CEMIP: variants seen among roughly 807,000 people sequenced by gnomAD.
CEMIP encodes cell migration inducing hyaluronidase 1, also known as cell migration-inducing and hyaluronan-binding protein.
Under a neutral mutation model 156.9 loss-of-function variants are expected in CEMIP, and 105 were observed. The observed-to-expected ratio is 0.67, with a 90% CI of 0.57 to 0.79. The LOEUF (loss-of-function observed/expected upper bound fraction) is 0.79, where lower values mean the gene tolerates loss of function less well. Ranked by LOEUF, CEMIP falls within the 30% of genes least tolerant of loss-of-function variation. The probability of loss-of-function intolerance (pLI) is 0.00; values close to 1 mark genes in which losing one functional copy is unlikely to be tolerated. For missense variants in CEMIP, 1,457 were observed against 1,769.4 expected, an observed-to-expected ratio of 0.82 and a Z score of 3.17; for synonymous variants, 676 against 668.4, an observed-to-expected ratio of 1.01 and a Z score of -0.17.
intron 15 of CEMIP, among the ~76,000 whole-genome samples, chr15:80,920,781 G>A (rs1256605899): frequency 6.6e-6 from 1 of 152,216 alleles, no homozygotes; most frequent in Admixed American, 6.5e-5. Context: ...GTCAATCTCA[G>A]ACATCACTTG....
At chr15:80,924,098 TG>T (rs764395882) in intron 17 of CEMIP, among the ~76,000 whole-genome samples, 6 of 152,190 alleles carry the variant, frequency 3.9e-5, no homozygotes, top group Non-Finnish European at 8.8e-5. Context: ...CCCTATCCCA[TG>T]GCTGACAAAG....
At chr15:80,915,539 G>A (rs1308487758) in intron 14 of CEMIP, among the ~76,000 whole-genome samples, 1 of 152,170 alleles carries the variant, frequency 6.6e-6, no homozygotes, top group Non-Finnish European at 1.5e-5. Context: ...TTGGCCCAGG[G>A]CTTTTACTGG....
chr15:80,942,880 C>G (rs1901394652), intron 27 of CEMIP, 65 bp from the exon 28 acceptor site: 1 of 1,598,462 alleles, frequency 6.3e-7, no homozygotes, highest in Non-Finnish European at 8.6e-7. Context: ...TTGGGAACCA[C>G]CTGGGCAGGA....
Position 80,858,221 on chromosome 15 carries a change from C to A in CEMIP, c.-175-15317C>A, listed in dbSNP as rs190858174. On this transcript the variant is annotated intron_variant, in intron 1 of 29. Coordinates refer to ENST00000394685, the MANE Select transcript of CEMIP (RefSeq NM_001293298.2). ...GGAGTAGGCTGGTGGGTGGTTCTTG[C>A]ATAGTCCTTCATGAAATAGTCGTCA... 4.8e-3 allele frequency among the ~76,000 whole-genome samples: 737 copies of A among 152,246 alleles called. 2 individuals are homozygous for A. Among genetic ancestry groups the A allele is most frequent in the Non-Finnish European group, 7.7e-3 (523 of 68,016 alleles).
At chr15:80,921,138 G>T in intron 16 of CEMIP, 37 bp downstream of exon 16, 1 of 1,585,478 alleles carries the variant, frequency 6.3e-7, no homozygotes, top group Non-Finnish European at 8.7e-7. Flanking sequence ...AGAAAGTGAG[G>T]GTGGGGGCTG....
At position 80,932,136 on chromosome 15, in the gene CEMIP, C is replaced by G; in HGVS notation, c.2793+97C>G. On this transcript the variant is annotated intron_variant, in intron 22 of 29. Coordinates refer to ENST00000394685, the MANE Select transcript of CEMIP (RefSeq NM_001293298.2). The surrounding 1 kb of genome is among the most constrained non-coding windows in gnomAD (Gnocchi z 4.5). Reference sequence around the variant, plus strand: ...CCAGAGTTTGAGCTATTGCCACCACCGCAGGGGTTGAGAAGCCTCCTCCAA... The same window carrying G: ...CCAGAGTTTGAGCTATTGCCACCACGGCAGGGGTTGAGAAGCCTCCTCCAA... The G allele has an allele frequency of 7.1e-7, 1 of 1,413,620 alleles. No individual in the cohort carries two copies. Among genetic ancestry groups the G allele is most frequent in the South Asian group, 1.2e-5 (1 of 86,362 alleles). The allele number at this position is 1,413,620 out of a possible 1,614,324, so 87.6% of individuals were successfully genotyped here.
intron 1 of CEMIP, among the ~76,000 whole-genome samples, chr15:80,839,644 T>C (rs1555429563): frequency 1.3e-5 from 2 of 152,132 alleles, no homozygotes; most frequent in Non-Finnish European, 2.9e-5. Context: ...TGCAAATGCT[T>C]CAGGAGAGCC....
At chr15:80,784,116 T>A (rs1895866410) in intron 1 of CEMIP, among the ~76,000 whole-genome samples, 1 of 152,136 alleles carries the variant, frequency 6.6e-6, no homozygotes, top group Non-Finnish European at 1.5e-5. Flanking sequence ...CTGGGATATC[T>A]TTGAGTCTTC....
chr15:80,920,100 G>A lies in CEMIP; in HGVS notation c.1804G>A (p.Asp602Asn), dbSNP rs1247601171. The change falls in exon 15 of 30, where the codon GAC (aspartate) becomes AAC (asparagine). Residue 602 changes from aspartate (D) to asparagine (N), a missense_variant. Coordinates refer to ENST00000394685, the MANE Select transcript of CEMIP (RefSeq NM_001293298.2). ...CCTGTCTTGACCCCTGCAGATCAAG[G>A]ACGTTGTGGGCTATAACTCTTTGGG... ...VHGSNGLLIK[D>N]VVGYNSLGHC... is the part of the protein sequence containing the mutation. 1 of 1,614,234 alleles carries A rather than the reference G, an allele frequency of 6.2e-7. No individual in the cohort carries two copies. Among genetic ancestry groups the A allele is most frequent in the East Asian group, 2.2e-5 (1 of 44,878 alleles).
In CEMIP at chr15:80,931,948, G is replaced by A. The variant is rs371758064; in HGVS notation, c.2702G>A (p.Arg901Gln). The change falls in exon 22 of 30, where the codon CGG becomes CAG. Residue 901 changes from arginine to glutamine, a missense_variant. Arg to Gln is a conservative substitution (Grantham distance 43). Transcript: ENST00000394685. ...CGAAAGTTTGTGGCCCTGGAGGGCC[G>A]GCACACCAGCGCCCTGGCCTTCCGC... ...TFRKFVALEGRHTSALAFRLN... is the reference protein window; with the variant it reads ...TFRKFVALEGQHTSALAFRLN... 1.5e-5 allele frequency: 25 copies of A among 1,614,098 alleles called. No homozygotes were observed. Among genetic ancestry groups the A allele is most frequent in the African/African-American group, 2.7e-5 (2 of 74,930 alleles).
chr15:80,802,111 T>C, intron 1 of CEMIP, among the ~76,000 whole-genome samples: 1 of 152,216 alleles, frequency 6.6e-6, no homozygotes. Flanking sequence ...TATTGCATTG[T>C]TTCTTTGAGT....
At chr15:80,901,362 G>C (rs1286848808) in intron 12 of CEMIP, among the ~76,000 whole-genome samples, 1 of 152,106 alleles carries the variant, frequency 6.6e-6, no homozygotes, top group Non-Finnish European at 1.5e-5. Context: ...GTGGCCACGA[G>C]CCACATGTGG....
intron 27 of CEMIP, 105 bp from the exon 28 acceptor site, chr15:80,942,840 G>A: frequency 7.7e-7 from 1 of 1,296,838 alleles, no homozygotes. Flanking sequence ...TCAAATAGAT[G>A]CATAGGCAAC....
At position 80,928,921 on chromosome 15, in the gene CEMIP, G is replaced by C; in HGVS notation, c.2440G>C (p.Gly814Arg). ...CCACAGGTTTGCTGACAATGGCATT[G>C]GCCTGACCCTGGCCAGGTAAGGGCA... The part of the protein sequence containing the change: ...DSCRFADNGI[G>R]LTLASGGTFP... Residue 814 changes from glycine to arginine, a missense_variant, in exon 20 of 30, where the codon GGC becomes CGC. Coordinates refer to ENST00000394685, the MANE Select transcript of CEMIP (RefSeq NM_001293298.2). 6.2e-7 allele frequency: 1 copy of C among 1,614,174 alleles called. No homozygotes were observed. Among genetic ancestry groups the C allele is most frequent in the Non-Finnish European group, 8.5e-7 (1 of 1,180,048 alleles).
chr15:80,781,630 C>T (rs965169683), intron 1 of CEMIP, among the ~76,000 whole-genome samples: 3 of 149,936 alleles, frequency 2.0e-5, no homozygotes, highest in African/African-American at 5.0e-5. Context: ...CAAAGGCCGA[C>T]GGAGAGTAAA....
chr15:80,833,104 T>A (rs1897193718), intron 1 of CEMIP, among the ~76,000 whole-genome samples: 1 of 152,198 alleles, frequency 6.6e-6, no homozygotes. Flanking sequence ...AGTCAGTCAT[T>A]AAAGTTAGTC....
chr15:80,854,592 A>G (rs572115216), intron 1 of CEMIP, among the ~76,000 whole-genome samples: 1 of 152,366 alleles, frequency 6.6e-6, no homozygotes, highest in East Asian at 1.9e-4. Context: ...CACAGCTAAC[A>G]ATGGAAAACA....
chr15:80,907,613 T>C (rs974159479), intron 13 of CEMIP, among the ~76,000 whole-genome samples: 1 of 152,154 alleles, frequency 6.6e-6, no homozygotes, highest in Non-Finnish European at 1.5e-5. Flanking sequence ...AATTTACCTG[T>C]GAGTTTCCTG....
At chr15:80,832,917 C>G (rs1348562119) in intron 1 of CEMIP, among the ~76,000 whole-genome samples, 3 of 152,168 alleles carry the variant, frequency 2.0e-5, no homozygotes, top group Non-Finnish European at 4.4e-5. Flanking sequence ...GATGCTGGCT[C>G]TCAACCGAAA....
Sources: gnomAD v4.1 joint callset for allele counts (sites outside exome capture counted in the v4.1 genomes callset) on GRCh38, gnomAD v4.1.1 for gene constraint, Gnocchi (gnomAD v3.1) non-coding constraint, MANE v1.5 for transcripts, NCBI Gene and HGNC (gene_info 2026-07-23, HGNC 2026-07-21) for gene names.